SYNRG: variants seen among roughly 807,000 people sequenced by gnomAD.
The protein encoded by SYNRG is AP1 gamma subunit binding protein 1.
Under a neutral mutation model 130.9 loss-of-function variants are expected in SYNRG, and 37 were observed. The observed-to-expected ratio is 0.28, with a 90% CI of 0.22 to 0.37. SYNRG has a LOEUF of 0.37. Ranked by LOEUF, SYNRG falls within the 10% of genes least tolerant of loss-of-function variation. SYNRG has a pLI of 1.00. For synonymous variants in SYNRG, 539 were observed against 568.1 expected, an observed-to-expected ratio of 0.95 and a Z score of 0.73; for missense variants, 1,338 against 1,588.9, an observed-to-expected ratio of 0.84 and a Z score of 2.68.
chr17:37,551,875 CA>C (rs11401626), intron 14 of SYNRG, among the ~76,000 whole-genome samples: 3,625 of 85,950 alleles, frequency 0.042, 50 homozygotes, highest in African/African-American at 0.065. Context: ...AGGAAAAGTA[CA>C]AAAAAAAAAA....
intron 19 of SYNRG, among the ~76,000 whole-genome samples, chr17:37,532,414 A>G (rs538192226): frequency 1.3e-5 from 2 of 152,168 alleles, no homozygotes; most frequent in Non-Finnish European, 2.9e-5. Flanking sequence ...TCATACCTGT[A>G]ATGCCTCTAG....
intron 19 of SYNRG, among the ~76,000 whole-genome samples, chr17:37,533,997 C>T (rs554792720): frequency 1.1e-3 from 142 of 125,600 alleles, no homozygotes; most frequent in Middle Eastern, 6.8e-3. Context: ...TGCAGTGGCA[C>T]GATCTCAGCT....
chr17:37,552,414 T>C (rs1373305449), intron 14 of SYNRG, among the ~76,000 whole-genome samples: 1 of 152,176 alleles, frequency 6.6e-6, no homozygotes, highest in Non-Finnish European at 1.5e-5. Context: ...TAAGATGTTT[T>C]CAAACATTTT....
rs768298351 is a variant in SYNRG, at chr17:37,542,009, G to T, written c.3165C>A (p.Ile1055=). The change falls in exon 15 of 22, where the codon ATC becomes ATA. Residue 1055 remains isoleucine (I), a synonymous_variant. Coordinates refer to ENST00000612223, the MANE Select transcript of SYNRG (RefSeq NM_007247.6). The stretch of plus-strand genomic sequence containing the variant: ...GGTCAAAGGTTGCCAGCTCACTTTT[G>T]ATCATTTCTTCACTGGATTTCATTT... The part of the protein sequence containing the change: ...QSKMKSSEEM[I]KSELATFDLS... 6.2e-7 allele frequency: 1 copy of T among 1,614,164 alleles called. No homozygotes were observed. The highest frequency in any genetic ancestry group is 8.5e-7 in the Non-Finnish European group (1 of 1,180,008).
chr17:37,535,711 G>A (rs1486828600), intron 19 of SYNRG, among the ~76,000 whole-genome samples: 1 of 152,214 alleles, frequency 6.6e-6, no homozygotes, highest in Non-Finnish European at 1.5e-5. Flanking sequence ...CAAAACTTCC[G>A]TGTATTATGT....
At position 37,570,763 on chromosome 17, in the gene SYNRG, T is replaced by C. The variant is rs2060367862; in HGVS notation, c.1221A>G (p.Ser407=). 6 of 1,614,200 alleles carry C rather than the reference T, an allele frequency of 3.7e-6. No individual in the cohort carries two copies. The East Asian group carries it at 1.3e-4, about 36-fold the overall frequency. Residue 407 remains serine, a synonymous_variant, in exon 10 of 22, where the codon TCA becomes TCG. Transcript: ENST00000612223. ...TPVSQPTVIP[S]GPAGSMPLSL... Reference sequence around the variant, plus strand: ...TGAGGGGCATGGAGCCCGCAGGACCTGAAGGTATCACAGTTGGCTGACTCA... The same window carrying C: ...TGAGGGGCATGGAGCCCGCAGGACCCGAAGGTATCACAGTTGGCTGACTCA...
At chr17:37,585,517 T>A in intron 4 of SYNRG, 87 bp from the exon 5 acceptor site, 1 of 905,486 alleles carries the variant, frequency 1.1e-6, no homozygotes, top group South Asian at 1.5e-5. Flanking sequence ...TTCAGCAATA[T>A]CATGTTGCAC....
Position 37,586,401 on chromosome 17 carries a change from AT to A in SYNRG, c.371+17del. 1 of 1,613,726 alleles carries A rather than the reference AT, an allele frequency of 6.2e-7. No individual in the cohort carries two copies. On this transcript the variant is annotated intron_variant, in intron 4 of 21. Transcript: ENST00000612223. ...TATAATGTATCTTTGTTATCCTTTA[AT>A]TCTGGTGATCTCTTACTGCTGCTCT...
chr17:37,576,613 CT>C, intron 7 of SYNRG, 195 bp from the exon 8 acceptor site: 2 of 484,240 alleles, frequency 4.1e-6, no homozygotes, highest in Non-Finnish European at 7.3e-6. Flanking sequence ...TGTACGTTAA[CT>C]ATGTTCTAAA....
chr17:37,524,901 G>A (rs1487571324), intron 19 of SYNRG, among the ~76,000 whole-genome samples: 1 of 152,172 alleles, frequency 6.6e-6, no homozygotes, highest in Admixed American at 6.5e-5. Context: ...GGCTATTTGA[G>A]AAATAATTAG....
rs531867166 is a variant in SYNRG, at chr17:37,528,183, A to G, written c.3667-7535T>C. 6.6e-5 allele frequency among the ~76,000 whole-genome samples: 10 copies of G among 152,336 alleles called. No individual in the cohort carries two copies. The South Asian group carries it at 2.1e-3, about 32-fold the overall frequency. On this transcript the variant is annotated intron_variant, in intron 19 of 21. Transcript: ENST00000612223. ...TCACCTGTAAAACTGAAAATTATAC[A>G]TCTAGAATATAATCTAGCTTCTAGA...
In SYNRG at chr17:37,602,362, G is replaced by T. The variant is rs187569336; in HGVS notation, c.78-1959C>A. Among the ~76,000 whole-genome samples, 429 of 151,992 alleles carry T rather than the reference G, an allele frequency of 2.8e-3. 2 individuals are homozygous for T. The highest frequency in any genetic ancestry group is 9.8e-3 in the African/African-American group (408 of 41,478). ...CAAAAAAAAAAAAAAATTAAGCTCT[G>T]GTTGTAGATGAAATAGCCAAGGGCA... is the stretch of plus-strand genomic sequence containing the variant. On this transcript the variant is annotated intron_variant, in intron 1 of 21. Transcript: ENST00000612223.
At chr17:37,582,164 G>C (rs1269123735) in intron 6 of SYNRG, among the ~76,000 whole-genome samples, 6 of 152,004 alleles carry the variant, frequency 3.9e-5, no homozygotes, top group African/African-American at 1.4e-4. Flanking sequence ...CTCAGGAGTA[G>C]TCTTTTTTTT....
At chr17:37,526,025 T>C (rs1479003310) in intron 19 of SYNRG, among the ~76,000 whole-genome samples, 1 of 151,590 alleles carries the variant, frequency 6.6e-6, no homozygotes, top group Non-Finnish European at 1.5e-5. Flanking sequence ...CCCAGCTATT[T>C]GGGAAGCTGA....
At chr17:37,524,201 A>AT (rs2055533734) in intron 19 of SYNRG, among the ~76,000 whole-genome samples, 1 of 152,218 alleles carries the variant, frequency 6.6e-6, no homozygotes, top group Non-Finnish European at 1.5e-5. Context: ...TTCCTGCCAA[A>AT]TTAACAGCTA....
chr17:37,525,702 T>G (rs186654874), intron 19 of SYNRG, among the ~76,000 whole-genome samples: 1 of 152,044 alleles, frequency 6.6e-6, no homozygotes. Flanking sequence ...GAGCGGTGGC[T>G]CACACCTGTA....
chr17:37,580,265 T>G (rs1370147106), intron 6 of SYNRG, among the ~76,000 whole-genome samples: 1 of 151,430 alleles, frequency 6.6e-6, no homozygotes, highest in Non-Finnish European at 1.5e-5. Context: ...TCAGTAAAGT[T>G]ACCATATGAG....
rs747379095 is a variant in SYNRG, at chr17:37,539,207, C to T, written c.3405G>A (p.Leu1135=). 1.1e-5 allele frequency: 17 copies of T among 1,614,238 alleles called. No homozygotes were observed. The East Asian group carries it at 3.6e-4, about 34-fold the overall frequency. ...ACATACTCACATTCAGGGCACTCCC[C>T]AGGCATCTCTGCCATTCATATGCAT... ...ERYAYEWQRC[L]GSALNVIKKA... Residue 1135 remains leucine (L), a synonymous_variant, in exon 17 of 22, where the codon CTG becomes CTA. Coordinates refer to ENST00000612223, the MANE Select transcript of SYNRG (RefSeq NM_007247.6).
intron 3 of SYNRG, 104 bp downstream of exon 3, chr17:37,596,119 G>T: frequency 1.5e-6 from 2 of 1,316,322 alleles, no homozygotes; most frequent in Non-Finnish European, 2.1e-6. Flanking sequence ...ATTTATTTAT[G>T]CTTATTTCTA....
Sources: allele counts gnomAD v4.1 joint callset (sites outside exome capture counted in the v4.1 genomes callset), GRCh38; gene constraint gnomAD v4.1.1; transcripts MANE v1.5; gene names NCBI Gene and HGNC (gene_info 2026-07-23, HGNC 2026-07-21).